Variants in EPHX1 observed in about 807,000 individuals in gnomAD.
The protein encoded by EPHX1 is epoxide hydratase.
In EPHX1, 40 loss-of-function variants were observed where a neutral mutation model predicts 43.2. The ratio of observed to expected loss-of-function variants is 0.93; its 90% CI spans 0.72 to 1.21. The LOEUF (loss-of-function observed/expected upper bound fraction) is 1.21, where lower values mean the gene tolerates loss of function less well. EPHX1 is among the 50% of genes most tolerant of loss of function. EPHX1 has a pLI of 0.00. For missense variants in EPHX1, 550 were observed against 570.4 expected, an observed-to-expected ratio of 0.96 and a Z score of 0.36; for synonymous variants, 221 against 226.7, an observed-to-expected ratio of 0.98 and a Z score of 0.22.
intron 1 of EPHX1, among the ~76,000 whole-genome samples, chr1:225,818,127 C>T (rs901418203): frequency 6.6e-6 from 1 of 152,206 alleles, no homozygotes; most frequent in African/African-American, 2.4e-5. Context: ...ATCTTATGGT[C>T]TGTCTCTACC....
chr1:225,832,329 A>G lies in EPHX1; in HGVS notation c.364+370A>G, dbSNP rs1017908178. ...CTGAGGTGGGTAGATCACGAGGTCAAGAGTTCAAGCAGCCTGGCCAAGATG... is the reference window on the plus strand; with the variant it reads ...CTGAGGTGGGTAGATCACGAGGTCAGGAGTTCAAGCAGCCTGGCCAAGATG... On this transcript the variant is annotated intron_variant, in intron 3 of 8. Coordinates refer to ENST00000272167, the MANE Select transcript of EPHX1 (RefSeq NM_001136018.4). 5.3e-5 allele frequency among the ~76,000 whole-genome samples: 8 copies of G among 152,124 alleles called. No homozygotes were observed. The East Asian group carries it at 5.8e-4, about 11-fold the overall frequency.
At chr1:225,832,159 G>A in intron 3 of EPHX1, 200 bp downstream of exon 3, 1 of 635,234 alleles carries the variant, frequency 1.6e-6, no homozygotes, top group Admixed American at 2.3e-5. Flanking sequence ...GAGCTAGGCA[G>A]GAACACATAC....
intron 1 of EPHX1, among the ~76,000 whole-genome samples, chr1:225,811,175 C>T (rs1371686933): frequency 6.6e-6 from 1 of 152,180 alleles, no homozygotes; most frequent in Non-Finnish European, 1.5e-5. Context: ...CCGCGGAGAC[C>T]GAGTGGCCGC....
chr1:225,843,889 T>C (rs180855382), intron 7 of EPHX1, among the ~76,000 whole-genome samples: 54 of 152,330 alleles, frequency 3.5e-4, no homozygotes, highest in Admixed American at 7.2e-4. Flanking sequence ...GAAAAGGCTG[T>C]TCCCTTTATC....
chr1:225,827,080 C>T (rs45503101), intron 1 of EPHX1, among the ~76,000 whole-genome samples: 334 of 152,292 alleles, frequency 2.2e-3, no homozygotes, highest in African/African-American at 7.7e-3. Flanking sequence ...CATAGAACGA[C>T]CCCCAGTAGC....
chr1:225,828,972 G>C (rs544982632), intron 2 of EPHX1, 60 bp downstream of exon 2: 2 of 1,544,454 alleles, frequency 1.3e-6, no homozygotes, highest in Admixed American at 3.9e-5. Flanking sequence ...TCGAAGACAG[G>C]GGTTGGGTCT....
chr1:225,837,820 C>A (rs1668049910), intron 3 of EPHX1, among the ~76,000 whole-genome samples: 1 of 151,930 alleles, frequency 6.6e-6, no homozygotes, highest in Non-Finnish European at 1.5e-5. Flanking sequence ...ACACCAGGCC[C>A]AAAAATACTC....
intron 5 of EPHX1, 55 bp from the exon 6 acceptor site, chr1:225,839,774 C>A: frequency 6.4e-7 from 1 of 1,569,996 alleles, no homozygotes; most frequent in Non-Finnish European, 8.8e-7. Context: ...TCTCTCCTCT[C>A]TCCCTGTCCT....
At chr1:225,835,708 T>C (rs543476168) in intron 3 of EPHX1, among the ~76,000 whole-genome samples, 2 of 151,472 alleles carry the variant, frequency 1.3e-5, no homozygotes, top group East Asian at 3.9e-4. Flanking sequence ...TCTTTCCTTT[T>C]TTTTTTTTTT....
intron 1 of EPHX1, among the ~76,000 whole-genome samples, chr1:225,821,608 C>T (rs115184524): frequency 7.1e-4 from 87 of 122,872 alleles, no homozygotes; most frequent in African/African-American, 2.7e-3. Flanking sequence ...TTCTTCCTCT[C>T]AGGCTGGAGT....
rs527780881 is a variant in EPHX1, at chr1:225,830,649, G to A, written c.184-1130G>A. Reference sequence around the variant, plus strand: ...CTGGCTAATTTTTGTATTTTTAGTAGAGATGGGGTTTCGCCATGTTGGCCA... The same window carrying A: ...CTGGCTAATTTTTGTATTTTTAGTAAAGATGGGGTTTCGCCATGTTGGCCA... On this transcript the variant is annotated intron_variant, in intron 2 of 8. Coordinates refer to ENST00000272167, the MANE Select transcript of EPHX1 (RefSeq NM_001136018.4). Among the ~76,000 whole-genome samples, 15 of 152,272 alleles carry A rather than the reference G, an allele frequency of 9.9e-5. No individual in the cohort carries two copies. In the South Asian group the frequency reaches 3.1e-3, roughly 32 times the overall value.
intron 1 of EPHX1, among the ~76,000 whole-genome samples, chr1:225,814,498 G>C (rs894949202): frequency 1.3e-5 from 2 of 152,256 alleles, no homozygotes; most frequent in Admixed American, 1.3e-4. Context: ...GGTTGGGGGT[G>C]CCCAGACACA....
At chr1:225,820,576 GAAAAT>G (rs1553484080) in intron 1 of EPHX1, among the ~76,000 whole-genome samples, 1 of 152,120 alleles carries the variant, frequency 6.6e-6, no homozygotes, top group Non-Finnish European at 1.5e-5. Context: ...ACTCTTATGC[GAAAAT>G]AGCCTATGAG....
intron 1 of EPHX1, among the ~76,000 whole-genome samples, chr1:225,811,067 A>T (rs1360600082): frequency 6.6e-6 from 1 of 152,086 alleles, no homozygotes; most frequent in Non-Finnish European, 1.5e-5. Flanking sequence ...TGGTCTCGGG[A>T]TTGAAGGCCA....
rs558793317 is a variant in EPHX1 at position 225,842,312 on chromosome 1, C to T, written c.932-54C>T. 10 of 1,337,900 alleles carry T rather than the reference C, an allele frequency of 7.5e-6. No homozygotes were observed. In the East Asian group the frequency reaches 2.3e-4, roughly 31 times the overall value. 82.9% of individuals were successfully genotyped at this position (1,337,900 alleles called of 1,614,324 possible). The stretch of plus-strand genomic sequence containing the variant: ...GTGCCACACATCACACCTGAAGCTC[C>T]AGCTCTCTGGTCCCCAGGCCTGAGT... On this transcript the variant is annotated intron_variant, in intron 6 of 8. Transcript: ENST00000272167.
chr1:225,839,285 TACA>T lies in EPHX1; in HGVS notation c.662_664del (p.Tyr221_Ile222delinsPhe). The T allele has an allele frequency of 6.2e-7, 1 of 1,614,088 alleles. No individual in the cohort carries two copies. The highest frequency in any genetic ancestry group is 8.5e-7 in the Non-Finnish European group (1 of 1,179,994). The stretch of plus-strand genomic sequence containing the variant: ...GCTGCGGCTGGGCTTCCAGGAATTC[TACA>T]TTCAAGGAGGGGACTGGGGGTCCCT... On this transcript the variant is annotated inframe_deletion, in exon 5 of 9. Transcript: ENST00000272167.
chr1:225,824,156 C>A (rs771179292), intron 1 of EPHX1, among the ~76,000 whole-genome samples: 3 of 152,158 alleles, frequency 2.0e-5, no homozygotes, highest in Non-Finnish European at 4.4e-5. Context: ...CCGCCGCCCC[C>A]GCAGTCCTTC....
chr1:225,822,752 T>C (rs1170302493), intron 1 of EPHX1, among the ~76,000 whole-genome samples: 3 of 152,178 alleles, frequency 2.0e-5, no homozygotes, highest in Non-Finnish European at 2.9e-5. Flanking sequence ...CCCAGGGACA[T>C]ATCTTGCAAA....
Position 225,817,882 on chromosome 1 carries a change from A to C in EPHX1, c.-6+7713A>C, listed in dbSNP as rs1044717661. Among the ~76,000 whole-genome samples, 1 of 152,222 alleles carries C rather than the reference A, an allele frequency of 6.6e-6. No individual in the cohort carries two copies. The highest frequency in any genetic ancestry group is 6.5e-5 in the Admixed American group (1 of 15,292). On this transcript the variant is annotated intron_variant, in intron 1 of 8. Transcript: ENST00000272167. The surrounding 1 kb of genome is among the most constrained non-coding windows in gnomAD (Gnocchi z 5.7). ...CCGGCTAGCACTTTACTGCGATTTT[A>C]GGAGCACTTTCTTGTGGTGAGGTTC...
Sources: allele counts gnomAD v4.1 joint callset (sites outside exome capture counted in the v4.1 genomes callset), GRCh38; gene constraint gnomAD v4.1.1; non-coding constraint Gnocchi (gnomAD v3.1); transcripts MANE v1.5; gene names NCBI Gene and HGNC (gene_info 2026-07-23, HGNC 2026-07-21).